PAN3: variants seen among roughly 807,000 people sequenced by gnomAD.
PAN3 encodes PAN2-PAN3 deadenylation complex subunit PAN3.
PAN3 carries 19 observed loss-of-function variants against 96.2 expected under a neutral mutation model. The ratio of observed to expected loss-of-function variants is 0.20; its 90% CI spans 0.14 to 0.29. The LOEUF (loss-of-function observed/expected upper bound fraction) is 0.29. PAN3 is among the 10% of genes least tolerant of loss of function. The probability of loss-of-function intolerance (pLI) is 1.00; values close to 1 mark genes in which losing one functional copy is unlikely to be tolerated. For missense variants in PAN3, 882 were observed against 1,108.1 expected (o/e 0.80, Z 2.90); for synonymous variants, 433 against 406.6 (o/e 1.06, Z -0.78).
intron 6 of PAN3, among the ~76,000 whole-genome samples, chr13:28,237,699 A>G (rs1221136156): frequency 1.3e-5 from 2 of 152,202 alleles, no homozygotes; most frequent in African/African-American, 4.8e-5. Flanking sequence ...ATAATAATTA[A>G]CTTTGTATCC....
intron 4 of PAN3, among the ~76,000 whole-genome samples, chr13:28,185,296 T>C (rs1204006153): frequency 6.6e-6 from 1 of 152,194 alleles, no homozygotes; most frequent in Non-Finnish European, 1.5e-5. Context: ...GCTAAAAATA[T>C]GGTAGTTCTT....
intron 9 of PAN3, among the ~76,000 whole-genome samples, chr13:28,266,179 A>G (rs144052329): frequency 2.6e-4 from 39 of 152,308 alleles, no homozygotes; most frequent in African/African-American, 9.1e-4. Context: ...CATTGTTACC[A>G]TCTGCTATAT....
At chr13:28,235,109 C>T (rs1224875852) in intron 6 of PAN3, among the ~76,000 whole-genome samples, 2 of 152,144 alleles carry the variant, frequency 1.3e-5, no homozygotes, top group Admixed American at 1.3e-4. Context: ...TCCGTTCTGG[C>T]CTTTTACTGA....
At chr13:28,205,258 T>G (rs1535799) in intron 5 of PAN3, among the ~76,000 whole-genome samples, 26,528 of 152,094 alleles carry the variant, frequency 0.17, 3,263 homozygotes, top group African/African-American at 0.34. Flanking sequence ...AGGTGAAGCT[T>G]CAAGCTATCT....
chr13:28,197,087 C>T, intron 4 of PAN3, 98 bp from the exon 5 acceptor site: 2 of 1,363,006 alleles, frequency 1.5e-6, no homozygotes, highest in African/African-American at 1.5e-5. Context: ...TGTTTCCTAT[C>T]CCACCGTTCC....
chr13:28,184,538 A>AT (rs992715178), intron 4 of PAN3, among the ~76,000 whole-genome samples: 2 of 152,066 alleles, frequency 1.3e-5, no homozygotes, highest in Non-Finnish European at 2.9e-5. Context: ...CACTTAAGTG[A>AT]TTTTTTTCAA....
At chr13:28,167,991 C>T (rs543548512) in intron 1 of PAN3, among the ~76,000 whole-genome samples, 1 of 152,332 alleles carries the variant, frequency 6.6e-6, no homozygotes, top group South Asian at 2.1e-4. Flanking sequence ...CCTCACCTTA[C>T]ACCTCTTTTC....
At chr13:28,250,728 G>T (rs1035182244) in intron 6 of PAN3, among the ~76,000 whole-genome samples, 4 of 152,028 alleles carry the variant, frequency 2.6e-5, no homozygotes, top group African/African-American at 9.7e-5. Context: ...GGCCTCTAAC[G>T]CCTGGCCTCA....
chr13:28,148,957 T>A (rs1871024912), intron 1 of PAN3, among the ~76,000 whole-genome samples: 1 of 152,200 alleles, frequency 6.6e-6, no homozygotes, highest in South Asian at 2.1e-4. Context: ...TATGTTTTAA[T>A]GTACTATGTA....
At chr13:28,173,275 TA>T (rs1264217625) in intron 1 of PAN3, among the ~76,000 whole-genome samples, 6 of 152,214 alleles carry the variant, frequency 3.9e-5, no homozygotes, top group Non-Finnish European at 8.8e-5. Flanking sequence ...CTTCGGATAA[TA>T]AATAGTTCTT....
At chr13:28,235,682 T>TACACACACATACACACACACACACAC (rs1555285729) in intron 6 of PAN3, among the ~76,000 whole-genome samples, 7 of 123,394 alleles carry the variant, frequency 5.7e-5, no homozygotes, top group African/African-American at 2.4e-4. Flanking sequence ...TTCTCTAATA[T>TACACACACATACACACACACACACAC]ACACACACAC....
chr13:28,145,757 ATTTTTT>A lies in PAN3; in HGVS notation c.430+6687_430+6692del, dbSNP rs895808998. 5.2e-4 allele frequency among the ~76,000 whole-genome samples: 65 copies of A among 124,446 alleles called. 1 individual carries two copies. The South Asian group carries it at 0.015, about 28-fold the overall frequency. 81.6% of individuals were successfully genotyped at this position (124,446 alleles called of 152,430 possible). Reference sequence around the variant, plus strand: ...AGGTGGAAGCCACCGTGCCAAGCTAATTTTTTTTTTTTTTTTTTTTTTGAGACAGTT... The same window carrying A: ...AGGTGGAAGCCACCGTGCCAAGCTAATTTTTTTTTTTTTTTTGAGACAGTT... On this transcript the variant is annotated intron_variant, in intron 1 of 18. Coordinates refer to ENST00000380958, the MANE Select transcript of PAN3 (RefSeq NM_175854.8).
chr13:28,246,026 G>T (rs1414111194), intron 6 of PAN3, among the ~76,000 whole-genome samples: 3 of 152,106 alleles, frequency 2.0e-5, no homozygotes, highest in Non-Finnish European at 4.4e-5. Flanking sequence ...GTGCTCTTCG[G>T]TAATATGCCT....
chr13:28,284,188 G>A (rs1188884214), intron 17 of PAN3, among the ~76,000 whole-genome samples: 1 of 152,084 alleles, frequency 6.6e-6, no homozygotes, highest in Non-Finnish European at 1.5e-5. Context: ...CAACCTTGTA[G>A]GTGAAAAATT....
chr13:28,252,763 GACAAAAAAAAAT>G (rs1884838396), intron 6 of PAN3, among the ~76,000 whole-genome samples: 1 of 150,834 alleles, frequency 6.6e-6, no homozygotes, highest in African/African-American at 2.4e-5. Context: ...AAGAGTAAAT[GACAAAAAAAAAT>G]ACAAAAAATG....
chr13:28,202,383 C>G (rs889306634), intron 5 of PAN3, among the ~76,000 whole-genome samples: 1 of 152,112 alleles, frequency 6.6e-6, no homozygotes, highest in Non-Finnish European at 1.5e-5. Context: ...TTATTCCTTA[C>G]GCATATACAG....
chr13:28,290,851 G>A (rs1451575614), intron 18 of PAN3, among the ~76,000 whole-genome samples: 3 of 152,102 alleles, frequency 2.0e-5, no homozygotes, highest in African/African-American at 7.2e-5. Flanking sequence ...AGTACCAGTA[G>A]TTAAAAATAC....
chr13:28,145,253 G>T (rs766497322), intron 1 of PAN3, among the ~76,000 whole-genome samples: 1 of 119,688 alleles, frequency 8.4e-6, no homozygotes, highest in East Asian at 2.3e-4. Flanking sequence ...TTGCACTTGC[G>T]TGTGTGTGTG....
intron 17 of PAN3, among the ~76,000 whole-genome samples, chr13:28,284,911 A>G (rs1426317926): frequency 6.6e-6 from 1 of 152,226 alleles, no homozygotes; most frequent in Non-Finnish European, 1.5e-5. Flanking sequence ...GGAAGATAGC[A>G]TATTTATCGT....
Sources: allele counts gnomAD v4.1 joint callset (sites outside exome capture counted in the v4.1 genomes callset), GRCh38; gene constraint gnomAD v4.1.1; transcripts MANE v1.5; gene names NCBI Gene and HGNC (gene_info 2026-07-23, HGNC 2026-07-21).